Variants in LOXL3 observed in about 807,000 individuals in gnomAD.
LOXL3 encodes lysyl oxidase like 3, also known as lysyl oxidase homolog 3.
Under a neutral mutation model 91.8 loss-of-function variants are expected in LOXL3, and 60 were observed. The ratio of observed to expected loss-of-function variants is 0.65; its 90% CI spans 0.53 to 0.81. The LOEUF is 0.81. Ranked by LOEUF, LOXL3 falls within the 30% of genes least tolerant of loss-of-function variation. The probability of loss-of-function intolerance (pLI) is 0.00; values close to 1 mark genes in which losing one functional copy is unlikely to be tolerated. For missense variants in LOXL3, 874 were observed against 1,000.4 expected, an observed-to-expected ratio of 0.87 and a Z score of 1.70; for synonymous variants, 355 against 387.6, an observed-to-expected ratio of 0.92 and a Z score of 0.99.
In LOXL3 at chr2:74,535,969, T is replaced by C; in HGVS notation, c.1248+27A>G. The C allele has an allele frequency of 6.5e-7, 1 of 1,539,584 alleles. No homozygotes were observed. The highest frequency in any genetic ancestry group is 1.4e-5 in the African/African-American group (1 of 72,598). Reference sequence around the variant, plus strand: ...AGACCTGGATAGGATGAAAGAGACCTCAACCAAGGTAGAGAGGATGACTGA... The same window carrying C: ...AGACCTGGATAGGATGAAAGAGACCCCAACCAAGGTAGAGAGGATGACTGA... On this transcript the variant is annotated intron_variant, in intron 7 of 13. Transcript: ENST00000264094. This position sits in a 1 kb window ranked among gnomAD's most constrained non-coding sequence, Gnocchi z 4.2.
At position 74,536,124 on chromosome 2, in the gene LOXL3, C is replaced by G. The variant is rs148743316; in HGVS notation, c.1120G>C (p.Val374Leu). 221 of 1,613,952 alleles carry G rather than the reference C, an allele frequency of 1.4e-4. 2 individuals carry two copies. In the African/African-American group the frequency reaches 2.7e-3, roughly 20 times the overall value. ...GAGAGCTCCTGTCCAGAGCAGCGAA[C>G]TTCACTCAGGTGGATAGCACCCATG... ...QGMGAIHLSE[V>L]RCSGQELSLW... Residue 374 changes from valine (V) to leucine (L), a missense_variant, in exon 7 of 14, where the codon GTT becomes CTT. Coordinates refer to ENST00000264094, the MANE Select transcript of LOXL3 (RefSeq NM_032603.5). The surrounding 1 kb of genome is among the most constrained non-coding windows in gnomAD (Gnocchi z 4.5).
Position 74,535,527 on chromosome 2 carries a change from C to T in LOXL3, c.1416+61G>A. ...TGGGCCAAGGGACTCATTCCTCAGC[C>T]CTCTGCCCAAAACACAGGCTTTGAG... On this transcript the variant is annotated intron_variant, in intron 8 of 13. Transcript: ENST00000264094. This position sits in a 1 kb window ranked among gnomAD's most constrained non-coding sequence, Gnocchi z 4.2. The T allele has an allele frequency of 1.2e-6, 2 of 1,611,924 alleles. No individual in the cohort carries two copies. The highest frequency in any genetic ancestry group is 1.7e-6 in the Non-Finnish European group (2 of 1,179,804).
intron 4 of LOXL3, among the ~76,000 whole-genome samples, chr2:74,538,293 A>G (rs1274445657): frequency 6.6e-6 from 1 of 152,148 alleles, no homozygotes; most frequent in Non-Finnish European, 1.5e-5. Flanking sequence ...TGTTGGGCAA[A>G]GATGACCCTA....
At position 74,534,762 on chromosome 2, in the gene LOXL3, A is replaced by G; in HGVS notation, c.1592T>C (p.Leu531Pro). Residue 531 changes from leucine (L) to proline (P), a missense_variant, in exon 10 of 14, where the codon CTG becomes CCG. Coordinates refer to ENST00000264094, the MANE Select transcript of LOXL3 (RefSeq NM_032603.5). ...GVICSETASD[L>P]LLHSALVQET... ...CTGCACCAGTGCTGAGTGCAGCAAC[A>G]GATCTGATGCAGCTGCACCAAGAAA... 6.2e-7 allele frequency: 1 copy of G among 1,612,698 alleles called. No homozygotes were observed. Among genetic ancestry groups the G allele is most frequent in the Non-Finnish European group, 8.5e-7 (1 of 1,179,040 alleles).
intron 4 of LOXL3, among the ~76,000 whole-genome samples, chr2:74,542,602 T>A (rs1676386490): frequency 6.6e-6 from 1 of 151,372 alleles, no homozygotes; most frequent in South Asian, 2.1e-4. Flanking sequence ...TCCATACTTA[T>A]CATCTTTATA....
At chr2:74,534,506 T>C in intron 10 of LOXL3, 25 bp downstream of exon 10, 1 of 1,613,650 alleles carries the variant, frequency 6.2e-7, no homozygotes, top group Non-Finnish European at 8.5e-7. Context: ...GTCTTGCCCT[T>C]CTACTTGACT....
chr2:74,549,195 G>C lies in LOXL3; in HGVS notation c.692+174C>G. The C allele has an allele frequency of 1.5e-6, 1 of 675,818 alleles. No homozygotes were observed. Among genetic ancestry groups the C allele is most frequent in the East Asian group, 3.1e-5 (1 of 32,230 alleles). 41.9% of individuals were successfully genotyped at this position (675,818 alleles called of 1,614,324 possible). On this transcript the variant is annotated intron_variant, in intron 4 of 13. Coordinates refer to ENST00000264094, the MANE Select transcript of LOXL3 (RefSeq NM_032603.5). The surrounding 1 kb of genome is among the most constrained non-coding windows in gnomAD (Gnocchi z 5.3). Reference sequence around the variant, plus strand: ...CAGGTACTCCCTTGGGGCACCTTTCGTGGTCCCACAAGATTTCCCAACTCT... The same window carrying C: ...CAGGTACTCCCTTGGGGCACCTTTCCTGGTCCCACAAGATTTCCCAACTCT...
chr2:74,550,239 C>G lies in LOXL3; in HGVS notation c.423G>C (p.Gly141=). Residue 141 remains glycine, a synonymous_variant, in exon 3 of 14, where the codon GGG becomes GGC. Coordinates refer to ENST00000264094, the MANE Select transcript of LOXL3 (RefSeq NM_032603.5). ...GGAGGCGCTGGTCTTTGCAGATGAC[C>G]CCAGCATCCTCATCGTGCGTACAGT... ...NSDCTHDEDA[G]VICKDQRLPG... is the part of the protein sequence containing the mutation. 6.2e-7 allele frequency: 1 copy of G among 1,614,102 alleles called. No individual in the cohort carries two copies. The highest frequency in any genetic ancestry group is 8.5e-7 in the Non-Finnish European group (1 of 1,180,014).
intron 4 of LOXL3, among the ~76,000 whole-genome samples, chr2:74,541,525 A>C (rs989265385): frequency 1.3e-5 from 2 of 152,200 alleles, no homozygotes; most frequent in African/African-American, 4.8e-5. Context: ...TTACTGAGAC[A>C]TTGCTAATAG....
chr2:74,546,026 A>G (rs922952971), intron 4 of LOXL3, among the ~76,000 whole-genome samples: 6 of 152,188 alleles, frequency 3.9e-5, no homozygotes, highest in African/African-American at 1.4e-4. Context: ...TTTCCTTGTC[A>G]GGTGAGGCCA....
chr2:74,538,065 A>G (rs1033764674), intron 4 of LOXL3, among the ~76,000 whole-genome samples: 14 of 152,204 alleles, frequency 9.2e-5, no homozygotes, highest in Non-Finnish European at 1.8e-4. Flanking sequence ...GACTTTACAG[A>G]ATACCTTTGG....
upstream of LOXL3, chr2:74,554,710 C>G: frequency 6.2e-7 from 1 of 1,601,332 alleles, no homozygotes; most frequent in Non-Finnish European, 8.5e-7. This position sits in a 1 kb window ranked among gnomAD's most constrained non-coding sequence, Gnocchi z 4.9. Flanking sequence ...CCCGCCCCGC[C>G]TCCCGCCGCA....
Position 74,549,410 on chromosome 2 carries a change from C to T in LOXL3, c.651G>A (p.Leu217=). Residue 217 remains leucine (L), a synonymous_variant, in exon 4 of 14, where the codon CTG becomes CTA. Coordinates refer to ENST00000264094, the MANE Select transcript of LOXL3 (RefSeq NM_032603.5). The surrounding 1 kb of genome is among the most constrained non-coding windows in gnomAD (Gnocchi z 5.3). ...AHNSHVVCGM[L]GFPSEKRVNA... The stretch of plus-strand genomic sequence containing the variant: ...TGACCCTCTTTTCGCTGGGGAAGCC[C>T]AGCATCCCGCAGACCACGTGGCTGT... 4 of 1,612,234 alleles carry T rather than the reference C, an allele frequency of 2.5e-6. No homozygotes were observed. The highest frequency in any genetic ancestry group is 3.4e-6 in the Non-Finnish European group (4 of 1,179,066).
In LOXL3 at chr2:74,534,563, C is replaced by A. The variant is rs772513983; in HGVS notation, c.1791G>T (p.Gly597=). Residue 597 remains glycine (G), a synonymous_variant, in exon 10 of 14, where the codon GGG becomes GGT. Coordinates refer to ENST00000264094, the MANE Select transcript of LOXL3 (RefSeq NM_032603.5). The part of the protein sequence containing the change: ...LGRADFRPKA[G]RHSWVWHECH... ...ACTCGTGCCACACCCAGGAGTGGCGCCCAGCCTTGGGCCTGAAGTCAGCTC... is the reference window on the plus strand; with the variant it reads ...ACTCGTGCCACACCCAGGAGTGGCGACCAGCCTTGGGCCTGAAGTCAGCTC... The A allele has an allele frequency of 2.4e-5, 39 of 1,614,088 alleles. No homozygotes were observed. Among genetic ancestry groups the A allele is most frequent in the Non-Finnish European group, 3.1e-5 (36 of 1,180,038 alleles).
chr2:74,552,849 G>T, intron 1 of LOXL3: 1 of 550,360 alleles, frequency 1.8e-6, no homozygotes, highest in Non-Finnish European at 3.2e-6. Flanking sequence ...AGGTCATAGA[G>T]GCACAGCCTG....
intron 4 of LOXL3, among the ~76,000 whole-genome samples, chr2:74,545,750 T>C (rs1558625945): frequency 6.6e-6 from 1 of 152,216 alleles, no homozygotes; most frequent in Admixed American, 6.5e-5. Flanking sequence ...TCTTATCTTC[T>C]GACTTTTAAA....
At chr2:74,544,994 T>A (rs1676521391) in intron 4 of LOXL3, among the ~76,000 whole-genome samples, 1 of 152,208 alleles carries the variant, frequency 6.6e-6, no homozygotes, top group Admixed American at 6.5e-5. Flanking sequence ...AGACTTAGTA[T>A]GAGATTCCGA....
chr2:74,554,793 G>A (rs1380492302), upstream of LOXL3: 2 of 1,614,042 alleles, frequency 1.2e-6, no homozygotes, highest in African/African-American at 2.7e-5. The surrounding 1 kb of genome is among the most constrained non-coding windows in gnomAD (Gnocchi z 4.9). Context: ...TTTTTTTGCA[G>A]AGTCAGCGCT....
In LOXL3 at chr2:74,535,683, G is replaced by A. The variant is rs750072073; in HGVS notation, c.1321C>T (p.Arg441Cys). The change falls in exon 8 of 14, where the codon CGC (arginine) becomes TGC (cysteine). Residue 441 changes from arginine to cysteine, a missense_variant. By Grantham distance (180) the Arg-to-Cys change is radical (BLOSUM62 -3). Transcript: ENST00000264094. The surrounding 1 kb of genome is among the most constrained non-coding windows in gnomAD (Gnocchi z 4.2). ...EVQIGGPGPL[R>C]WGLICGDDWG... ...TCATCCCCACAGATGAGGCCCCAGC[G>A]AAGGGGCCCAGGTCCCCCTATTTGC... The A allele has an allele frequency of 3.1e-5, 50 of 1,611,696 alleles. No homozygotes were observed. The highest frequency in any genetic ancestry group is 4.0e-5 in the African/African-American group (3 of 74,628).
Sources: allele counts gnomAD v4.1 joint callset (sites outside exome capture counted in the v4.1 genomes callset), GRCh38; gene constraint gnomAD v4.1.1; non-coding constraint Gnocchi (gnomAD v3.1); transcripts MANE v1.5; gene names NCBI Gene and HGNC (gene_info 2026-07-23, HGNC 2026-07-21).